The following PRX variants were observed in gnomAD, a reference collection of about 807,000 sequenced individuals.
PRX encodes the protein periaxin.
PRX carries 24 observed loss-of-function variants against 29.6 expected under a neutral mutation model. That is an observed-to-expected ratio of 0.81 (90% CI 0.59 to 1.14). PRX has a LOEUF of 1.14. Among genes scored for constraint, PRX ranks in the 50% most tolerant of loss-of-function variants. PRX has a pLI of 0.00. For synonymous variants in PRX, 772 were observed against 831.7 expected (o/e 0.93, Z 1.24); for missense variants, 1,838 against 1,926.4 (o/e 0.95, Z 0.86).
rs375773532 is a variant in PRX, at chr19:40,395,148, C to G, written c.3204G>C (p.Leu1068=). The G allele has an allele frequency of 6.2e-6, 10 of 1,614,092 alleles. No homozygotes were observed. Among genetic ancestry groups the G allele is most frequent in the Non-Finnish European group, 7.6e-6 (9 of 1,180,048 alleles). Residue 1068 remains leucine, a synonymous_variant, in exon 7 of 7, where the codon CTG becomes CTC. Transcript: ENST00000324001. ...MPKLKMPSFG[L]ARGKEAEVQG... ...GAACTTCTGCTTCCTTCCCTCGAGC[C>G]AGCCCAAAGGAAGGCATCTTCAGCT...
intron 4 of PRX, 117 bp downstream of exon 4, chr19:40,407,789 C>G: frequency 7.0e-7 from 1 of 1,432,670 alleles, no homozygotes; most frequent in Non-Finnish European, 9.7e-7. Context: ...GTTATTATTT[C>G]CATTTCACAG....
In PRX at chr19:40,394,793, C is replaced by G. The variant is rs374918255; in HGVS notation, c.3559G>C (p.Val1187Leu). 2.5e-6 allele frequency: 4 copies of G among 1,613,542 alleles called. No individual in the cohort carries two copies. Among genetic ancestry groups the G allele is most frequent in the Non-Finnish European group, 3.4e-6 (4 of 1,180,036 alleles). ...GGCAGAGACAGGGTCACCTGGGGCA[C>G]CTGAACCCTGTAGCCTGCTGTGCCC... ...AEGTAGYRVQ[V>L]PQVTLSLPGA... Residue 1187 changes from valine to leucine, a missense_variant, in exon 7 of 7, where the codon GTG (valine) becomes CTG (leucine). Val to Leu is a conservative substitution (Grantham distance 32). Coordinates refer to ENST00000324001, the MANE Select transcript of PRX (RefSeq NM_181882.3). The surrounding 1 kb of genome is among the most constrained non-coding windows in gnomAD (Gnocchi z 5.8).
chr19:40,413,967 G>A (rs1403531479), upstream of PRX, among the ~76,000 whole-genome samples: 1 of 152,128 alleles, frequency 6.6e-6, no homozygotes, highest in Non-Finnish European at 1.5e-5. Flanking sequence ...CTTGCTGGGG[G>A]GTTTTGGCCC....
rs766860141 is a variant in PRX at position 40,394,971 on chromosome 19, C to G, written c.3381G>C (p.Lys1127Asn). ...TGACCACCTGCCCGGCTGTGGACAC[C>G]TTCAGGCCTGACAGCTGCATTCCAC... ...AVSGMQLSGL[K>N]VSTAGQVVTE... Residue 1127 changes from lysine (K) to asparagine (N), a missense_variant, in exon 7 of 7, where the codon AAG becomes AAC. Coordinates refer to ENST00000324001, the MANE Select transcript of PRX (RefSeq NM_181882.3). The surrounding 1 kb of genome is among the most constrained non-coding windows in gnomAD (Gnocchi z 5.8). 13 of 1,608,694 alleles carry G rather than the reference C, an allele frequency of 8.1e-6. No individual in the cohort carries two copies. Among genetic ancestry groups the G allele is most frequent in the Non-Finnish European group, 1.1e-5 (13 of 1,179,492 alleles).
At chr19:40,404,497 G>A (rs534927064) in intron 4 of PRX, among the ~76,000 whole-genome samples, 13 of 152,062 alleles carry the variant, frequency 8.5e-5, no homozygotes, top group Admixed American at 3.3e-4. Context: ...GGGTATAGAA[G>A]GGTGCAAAAG....
At chr19:40,400,049 C>T (rs1466488711) in intron 5 of PRX, among the ~76,000 whole-genome samples, 1 of 149,004 alleles carries the variant, frequency 6.7e-6, no homozygotes, top group Admixed American at 6.7e-5. Flanking sequence ...ATGGCGCGAT[C>T]TTGGCTCACT....
At chr19:40,406,188 A>G (rs1301885278) in intron 4 of PRX, among the ~76,000 whole-genome samples, 2 of 150,230 alleles carry the variant, frequency 1.3e-5, no homozygotes, top group African/African-American at 4.9e-5. Flanking sequence ...CGGAGGTTGC[A>G]GTGAGCTGAG....
intron 1 of PRX, among the ~76,000 whole-genome samples, chr19:40,412,529 G>C (rs1173521012): frequency 6.6e-6 from 1 of 152,162 alleles, no homozygotes; most frequent in Non-Finnish European, 1.5e-5. Flanking sequence ...AGGGAGCTGT[G>C]CTTCTCACAG....
rs139051512 is a variant in PRX, at chr19:40,394,145, C to T, written c.4207G>A (p.Val1403Ile). Residue 1403 changes from valine to isoleucine, a missense_variant, in exon 7 of 7, where the codon GTC becomes ATC. By Grantham distance (29) the Val-to-Ile change is conservative. This residue lies in a region of PRX where 1,143 missense variants were observed against 1,193.0 expected (regional missense o/e 0.96). Coordinates refer to ENST00000324001, the MANE Select transcript of PRX (RefSeq NM_181882.3). The surrounding 1 kb of genome is among the most constrained non-coding windows in gnomAD (Gnocchi z 5.8). ...CGGAACTTGGGTGACTTCTCTCTGA[C>T]GGGGGACTTGGGGGCTGCATCGCCC... ...QEGDAAPKSP[V>I]REKSPKFRFP... 90 of 1,595,770 alleles carry T rather than the reference C, an allele frequency of 5.6e-5. No homozygotes were observed. The highest frequency in any genetic ancestry group is 8.5e-5 in the Admixed American group (5 of 58,690).
chr19:40,394,594 C>G lies in PRX; in HGVS notation c.3758G>C (p.Arg1253Thr). 6.2e-7 allele frequency: 1 copy of G among 1,608,938 alleles called. No homozygotes were observed. The highest frequency in any genetic ancestry group is 8.5e-7 in the Non-Finnish European group (1 of 1,179,302). ...LRLKLPTLGA[R>T]ARVGGEGAEE... The stretch of plus-strand genomic sequence containing the variant: ...AGCACCCTCGCCCCCCACCCTAGCT[C>G]TGGCCCCCAGTGTGGGCAACTTCAG... The change falls in exon 7 of 7, where the codon AGA becomes ACA. Residue 1253 changes from arginine (R) to threonine (T), a missense_variant. Around this residue, in one of 3 missense-constraint regions of PRX, gnomAD observed 1,143 missense variants for 1,193.0 expected, o/e 0.96. Coordinates refer to ENST00000324001, the MANE Select transcript of PRX (RefSeq NM_181882.3). This position sits in a 1 kb window ranked among gnomAD's most constrained non-coding sequence, Gnocchi z 5.8.
In PRX at chr19:40,398,395, G is replaced by A. The variant is rs1599657302; in HGVS notation, c.381+225C>T. On this transcript the variant is annotated intron_variant, in intron 6 of 6. Transcript: ENST00000324001. The surrounding 1 kb of genome is among the most constrained non-coding windows in gnomAD (Gnocchi z 6.3). Reference sequence around the variant, plus strand: ...CCTAGCAAGCCTGGATCCGATGGTGGGGACGCCTCTCCGAGGTGGGTGAGG... The same window carrying A: ...CCTAGCAAGCCTGGATCCGATGGTGAGGACGCCTCTCCGAGGTGGGTGAGG... 4.8e-6 allele frequency: 7 copies of A among 1,457,218 alleles called. No individual in the cohort carries two copies. In the East Asian group the frequency reaches 7.2e-5, roughly 15 times the overall value. 90.3% of individuals were successfully genotyped at this position (1,457,218 alleles called of 1,614,324 possible).
chr19:40,412,786 GC>G (rs1327260532), intron 1 of PRX, among the ~76,000 whole-genome samples: 1 of 152,166 alleles, frequency 6.6e-6, no homozygotes, highest in Non-Finnish European at 1.5e-5. Flanking sequence ...TGTGATCACG[GC>G]TCACTGCAGC....
At chr19:40,403,979 G>T in intron 4 of PRX, 117 bp from the exon 5 acceptor site, 2 of 1,203,378 alleles carry the variant, frequency 1.7e-6, no homozygotes, top group South Asian at 2.9e-5. Context: ...ATTTAGAGAC[G>T]GGGGTGGGGG....
chr19:40,397,642 A>C lies in PRX; in HGVS notation c.710T>G (p.Val237Gly). 1 of 1,546,004 alleles carries C rather than the reference A, an allele frequency of 6.5e-7. No individual in the cohort carries two copies. Residue 237 changes from valine to glycine, a missense_variant, in exon 7 of 7, where the codon GTT (valine) becomes GGT (glycine). Around this residue, in one of 3 missense-constraint regions of PRX, gnomAD observed 666 missense variants for 665.0 expected, o/e 1.00. Coordinates refer to ENST00000324001, the MANE Select transcript of PRX (RefSeq NM_181882.3). ...CTCCGCCCCTGGCAGCCGCGGCCCA[A>C]CCAGCTCCACCTGAGGGGCTGTGAA... ...ARFTAPQVEL[V>G]GPRLPGAEVG...
chr19:40,395,499 A>C lies in PRX; in HGVS notation c.2853T>G (p.Ala951=). 1 of 1,614,138 alleles carries C rather than the reference A, an allele frequency of 6.2e-7. No individual in the cohort carries two copies. The highest frequency in any genetic ancestry group is 8.5e-7 in the Non-Finnish European group (1 of 1,180,022). The change falls in exon 7 of 7, where the codon GCT becomes GCG. Residue 951 remains alanine (A), a synonymous_variant. Transcript: ENST00000324001. ...ATACCTTCAGCTTGGTAGCTCGCCC[A>C]GCCCCCTCAGCCTCTGCCTTAGCCA... ...PKVAKAEAEG[A]GRATKLKVSK...
upstream of PRX, among the ~76,000 whole-genome samples, chr19:40,414,670 T>C (rs1006103719): frequency 1.4e-4 from 22 of 151,942 alleles, no homozygotes; most frequent in African/African-American, 5.3e-4. Flanking sequence ...CCCTGGACCC[T>C]GGTCCAGCCC....
At chr19:40,409,691 G>T (rs998189317) in intron 1 of PRX, among the ~76,000 whole-genome samples, 34 of 151,718 alleles carry the variant, frequency 2.2e-4, no homozygotes, top group African/African-American at 7.5e-4. Flanking sequence ...AGGCTGGTCT[G>T]GAACTCCTGA....
At chr19:40,399,248 C>T (rs1316584787) in intron 5 of PRX, among the ~76,000 whole-genome samples, 1 of 152,182 alleles carries the variant, frequency 6.6e-6, no homozygotes, top group Non-Finnish European at 1.5e-5. Context: ...ACCGCCTTCT[C>T]AGGGACATCC....
At chr19:40,407,697 C>G (rs2079538455) in intron 4 of PRX, 1 of 696,022 alleles carries the variant, frequency 1.4e-6, no homozygotes, top group African/African-American at 1.8e-5. Context: ...TGCCTTGAGT[C>G]TTAGCCTGTG....
Sources: allele counts gnomAD v4.1 joint callset (sites outside exome capture counted in the v4.1 genomes callset), GRCh38; gene constraint gnomAD v4.1.1; regional missense constraint gnomAD v4.1.1; non-coding constraint Gnocchi (gnomAD v3.1); transcripts MANE v1.5; gene names NCBI Gene and HGNC (gene_info 2026-07-23, HGNC 2026-07-21).